The following SPATA16 variants were observed in gnomAD, a reference collection of about 807,000 sequenced individuals.
SPATA16 encodes the protein spermatogenesis-associated protein 16.
Under a neutral mutation model 63.3 loss-of-function variants are expected in SPATA16, and 36 were observed. The observed-to-expected ratio is 0.57, with a 90% confidence interval of 0.44 to 0.75. SPATA16 has a LOEUF of 0.75. Among genes scored for constraint, SPATA16 ranks in the 30% least tolerant of loss-of-function variants. The pLI, the probability that SPATA16 is intolerant of heterozygous loss-of-function variation, is 0.00. For missense variants in SPATA16, 646 were observed against 679.3 expected, an observed-to-expected ratio of 0.95 and a Z score of 0.54; for synonymous variants, 203 against 216.7, an observed-to-expected ratio of 0.94 and a Z score of 0.56.
intron 6 of SPATA16, among the ~76,000 whole-genome samples, chr3:172,933,551 A>G (rs1732916463): frequency 6.6e-6 from 1 of 152,222 alleles, no homozygotes; most frequent in Admixed American, 6.5e-5. Context: ...AGAAGCTAGC[A>G]CTTGAGGGCA....
At chr3:172,964,328 G>A (rs1030513884) in intron 5 of SPATA16, among the ~76,000 whole-genome samples, 4 of 152,150 alleles carry the variant, frequency 2.6e-5, no homozygotes, top group African/African-American at 9.7e-5. Flanking sequence ...AGAACTTAAA[G>A]TATGTTCTTG....
chr3:172,983,756 C>T (rs574124997), intron 4 of SPATA16, among the ~76,000 whole-genome samples: 2 of 152,030 alleles, frequency 1.3e-5, no homozygotes, highest in Non-Finnish European at 2.9e-5. Flanking sequence ...CAAACACACA[C>T]ACTCACACAC....
In SPATA16 at chr3:173,006,887, G is replaced by A. The variant is rs1050617147; in HGVS notation, c.848+12599C>T. On this transcript the variant is annotated intron_variant, in intron 4 of 10. Coordinates refer to ENST00000351008, the MANE Select transcript of SPATA16 (RefSeq NM_031955.6). ...AATAAGCTGCTGCTTGGCAAAAATG[G>A]AACAAGGTATCTTGATAATCATTTA... Among the ~76,000 whole-genome samples, 3 of 151,714 alleles carry A rather than the reference G, an allele frequency of 2.0e-5. No homozygotes were observed. In the South Asian group the frequency reaches 6.2e-4, roughly 32 times the overall value.
intron 2 of SPATA16, among the ~76,000 whole-genome samples, chr3:173,110,579 G>T (rs2108331536): frequency 6.6e-6 from 1 of 152,286 alleles, no homozygotes; most frequent in Non-Finnish European, 1.5e-5. Flanking sequence ...GTGACAACTT[G>T]TACATGAATT....
chr3:172,967,623 A>G (rs1258763441), intron 5 of SPATA16, among the ~76,000 whole-genome samples: 1 of 152,202 alleles, frequency 6.6e-6, no homozygotes, highest in African/African-American at 2.4e-5. Context: ...GCGGGCCAGT[A>G]AGAAGCTTTA....
chr3:172,933,286 C>T (rs1732910868), intron 6 of SPATA16, among the ~76,000 whole-genome samples: 1 of 152,186 alleles, frequency 6.6e-6, no homozygotes, highest in African/African-American at 2.4e-5. Flanking sequence ...TTTCTCTCCT[C>T]CTCCCCTTTT....
intron 2 of SPATA16, among the ~76,000 whole-genome samples, chr3:173,078,463 G>T (rs1205584937): frequency 6.6e-6 from 1 of 152,128 alleles, no homozygotes; most frequent in Admixed American, 6.5e-5. Flanking sequence ...GGCTAAAAAC[G>T]TATCTGTTGG....
intron 10 of SPATA16, among the ~76,000 whole-genome samples, chr3:172,896,934 T>C (rs1006269868): frequency 6.6e-6 from 1 of 152,086 alleles, no homozygotes; most frequent in South Asian, 2.1e-4. Flanking sequence ...CTTCCACAGG[T>C]AAAGTTTTTA....
chr3:173,004,055 A>T (rs550554326), intron 4 of SPATA16, among the ~76,000 whole-genome samples: 1 of 152,138 alleles, frequency 6.6e-6, no homozygotes, highest in African/African-American at 2.4e-5. Context: ...GTACCTAATT[A>T]CTCTTTAGCA....
intron 4 of SPATA16, among the ~76,000 whole-genome samples, chr3:172,986,765 C>T (rs1240944495): frequency 6.6e-6 from 1 of 152,094 alleles, no homozygotes; most frequent in Admixed American, 6.5e-5. Context: ...TAGAAAGTGG[C>T]AAGGGCAGTT....
intron 2 of SPATA16, among the ~76,000 whole-genome samples, chr3:173,101,306 C>A (rs888398975): frequency 6.6e-6 from 1 of 152,122 alleles, no homozygotes; most frequent in Non-Finnish European, 1.5e-5. Flanking sequence ...CTGGAAATCT[C>A]TCCTCTCACT....
intron 6 of SPATA16, among the ~76,000 whole-genome samples, chr3:172,940,109 C>T (rs1733111001): frequency 6.6e-6 from 1 of 152,224 alleles, no homozygotes; most frequent in Non-Finnish European, 1.5e-5. Flanking sequence ...CCCCTACTAT[C>T]TTGCTCTGTG....
chr3:173,087,123 G>A (rs764089318), intron 2 of SPATA16, among the ~76,000 whole-genome samples: 23 of 152,112 alleles, frequency 1.5e-4, no homozygotes, highest in Non-Finnish European at 3.1e-4. Context: ...TGACAGTGGG[G>A]TGTTGAAGTC....
chr3:173,075,339 A>G (rs1166364520), intron 2 of SPATA16, among the ~76,000 whole-genome samples: 1 of 152,184 alleles, frequency 6.6e-6, no homozygotes, highest in Non-Finnish European at 1.5e-5. Context: ...GAGAATGTAA[A>G]TTAGTAAAAT....
intron 5 of SPATA16, among the ~76,000 whole-genome samples, chr3:172,958,791 G>GCA (rs1553785914): frequency 9.2e-5 from 14 of 151,776 alleles, no homozygotes; most frequent in Non-Finnish European, 1.8e-4. Context: ...GTGCACGCAC[G>GCA]TGTGTGTGTG....
At chr3:173,000,382 A>C (rs2108265536) in intron 4 of SPATA16, among the ~76,000 whole-genome samples, 1 of 152,324 alleles carries the variant, frequency 6.6e-6, no homozygotes, top group East Asian at 1.9e-4. Context: ...TCAATACTTT[A>C]AATATTTCAC....
intron 4 of SPATA16, among the ~76,000 whole-genome samples, chr3:173,006,009 T>C (rs1208070714): frequency 6.6e-6 from 1 of 152,178 alleles, no homozygotes; most frequent in African/African-American, 2.4e-5. Flanking sequence ...TTACTATATT[T>C]TAACCTTCAT....
At chr3:172,967,348 T>C (rs1733939937) in intron 5 of SPATA16, among the ~76,000 whole-genome samples, 1 of 152,192 alleles carries the variant, frequency 6.6e-6, no homozygotes, top group African/African-American at 2.4e-5. Flanking sequence ...CTACTAATAA[T>C]ACTGAAAAAC....
intron 5 of SPATA16, among the ~76,000 whole-genome samples, chr3:172,961,960 G>A (rs1411920647): frequency 1.3e-5 from 2 of 151,940 alleles, no homozygotes. Flanking sequence ...GCTGCCTTAA[G>A]AAAGAGGACT....
Sources: allele counts gnomAD v4.1 joint callset (sites outside exome capture counted in the v4.1 genomes callset), GRCh38; gene constraint gnomAD v4.1.1; transcripts MANE v1.5; gene names NCBI Gene and HGNC (gene_info 2026-07-23, HGNC 2026-07-21).